The following GSAP variants were observed in gnomAD, a reference collection of about 807,000 sequenced individuals.
GSAP encodes gamma-secretase activating protein.
A neutral mutation model predicts 131.7 loss-of-function variants in GSAP; 118 were observed. The observed-to-expected ratio is 0.90, with a 90% CI of 0.77 to 1.04. The LOEUF (loss-of-function observed/expected upper bound fraction) is 1.04, where lower values mean the gene tolerates loss of function less well. GSAP is among the 50% of genes least tolerant of loss of function. The pLI, the probability that GSAP is intolerant of heterozygous loss-of-function variation, is 0.00. For missense variants in GSAP, 1,019 were observed against 1,013.2 expected (o/e 1.01, Z -0.08); for synonymous variants, 381 against 363.4 (o/e 1.05, Z -0.55).
intron 22 of GSAP, 195 bp from the exon 23 acceptor site, chr7:77,326,468 CGAGA>C: frequency 2.1e-6 from 1 of 479,256 alleles, no homozygotes. Context: ...AGGGAATGAC[CGAGA>C]AAGAAAGAAA....
chr7:77,366,899 C>G (rs572947109), intron 12 of GSAP, among the ~76,000 whole-genome samples: 35 of 152,238 alleles, frequency 2.3e-4, no homozygotes, highest in Admixed American at 6.5e-4. Flanking sequence ...TTTCTTTGAG[C>G]AGTGTTTTGT....
intron 11 of GSAP, among the ~76,000 whole-genome samples, 173 bp from the exon 12 acceptor site, chr7:77,374,328 G>A (rs1359604976): frequency 7.2e-5 from 11 of 151,914 alleles, no homozygotes; most frequent in Admixed American, 7.2e-4. Context: ...CAAAATACAT[G>A]GTATATAAAT....
chr7:77,337,377 G>T (rs1456199470), intron 19 of GSAP, among the ~76,000 whole-genome samples: 1 of 152,060 alleles, frequency 6.6e-6, no homozygotes, highest in African/African-American at 2.4e-5. Context: ...GTTTCACCAT[G>T]TTGGCCAGGC....
At chr7:77,320,321 A>C (rs910490875) in intron 26 of GSAP, among the ~76,000 whole-genome samples, 1 of 152,102 alleles carries the variant, frequency 6.6e-6, no homozygotes, top group African/African-American at 2.4e-5. Flanking sequence ...ATTCCAAGGG[A>C]ATTTTTTAGC....
intron 19 of GSAP, among the ~76,000 whole-genome samples, chr7:77,339,994 A>C (rs1451766736): frequency 6.6e-6 from 1 of 152,178 alleles, no homozygotes; most frequent in East Asian, 1.9e-4. Flanking sequence ...ACACGTATAC[A>C]TCCAGCTGGC....
Position 77,314,385 on chromosome 7 carries a change from T to G in GSAP, c.2194A>C (p.Ile732Leu). 1.2e-6 allele frequency: 2 copies of G among 1,613,792 alleles called. No homozygotes were observed. Among genetic ancestry groups the G allele is most frequent in the Non-Finnish European group, 8.5e-7 (1 of 1,179,800 alleles). ...GVLLLTETAV[I>L]RLMKDLDNTE... Reference sequence around the variant, plus strand: ...GGCTTCTTACCTTTCATGAGCCTTATGACAGCTGTTTCAGTGAGAAGCAAC... The same window carrying G: ...GGCTTCTTACCTTTCATGAGCCTTAGGACAGCTGTTTCAGTGAGAAGCAAC... Residue 732 changes from isoleucine to leucine, a missense_variant, in exon 27 of 31, where the codon ATA (isoleucine) becomes CTA (leucine). Coordinates refer to ENST00000257626, the MANE Select transcript of GSAP (RefSeq NM_017439.4).
rs143928118 is a variant in GSAP, at chr7:77,337,427, G to A, written c.1546-7060C>T. On this transcript the variant is annotated intron_variant, in intron 19 of 30. Transcript: ENST00000257626. Reference sequence around the variant, plus strand: ...TGGCCCCAAGTGATCCACCCGCCTCGGCCTCCCAAAGTGCTGGGATTACAG... The same window carrying A: ...TGGCCCCAAGTGATCCACCCGCCTCAGCCTCCCAAAGTGCTGGGATTACAG... Among the ~76,000 whole-genome samples the A allele has an allele frequency of 6.9e-3, 1,046 of 152,176 alleles. 15 individuals are homozygous for A. Among genetic ancestry groups the A allele is most frequent in the African/African-American group, 0.023 (962 of 41,510 alleles).
At position 77,390,377 on chromosome 7, in the gene GSAP, G is replaced by T. The variant is rs532294736; in HGVS notation, c.368-2929C>A. 2.6e-5 allele frequency among the ~76,000 whole-genome samples: 4 copies of T among 152,142 alleles called. No individual in the cohort carries two copies. In the East Asian group the frequency reaches 7.7e-4, roughly 29 times the overall value. ...CCTTGCCCATGCCTATGTCCTGAAT[G>T]GTATTGCCTAGGTTTTCTTCTAGGG... On this transcript the variant is annotated intron_variant, in intron 5 of 30. Coordinates refer to ENST00000257626, the MANE Select transcript of GSAP (RefSeq NM_017439.4).
intron 19 of GSAP, chr7:77,330,870 A>G: frequency 2.0e-6 from 2 of 980,366 alleles, no homozygotes; most frequent in Non-Finnish European, 2.4e-6. Flanking sequence ...AAAAAGATAA[A>G]ATGAACTAAT....
intron 5 of GSAP, among the ~76,000 whole-genome samples, chr7:77,389,328 GTTTT>G (rs112764794): frequency 7.8e-6 from 1 of 128,752 alleles, no homozygotes; most frequent in Admixed American, 7.3e-5. Flanking sequence ...GTTTTGTTTT[GTTTT>G]TTGTTTCCAT....
chr7:77,322,576 TTG>T (rs767360583), intron 24 of GSAP, among the ~76,000 whole-genome samples: 9 of 144,616 alleles, frequency 6.2e-5, no homozygotes, highest in Non-Finnish European at 1.0e-4. Flanking sequence ...TCACTGTGTG[TTG>T]TGAGTTTTTT....
chr7:77,348,214 T>TA (rs1792204482), intron 19 of GSAP, among the ~76,000 whole-genome samples: 1 of 152,098 alleles, frequency 6.6e-6, no homozygotes, highest in African/African-American at 2.4e-5. Flanking sequence ...GTAAGACTAG[T>TA]AGAAAAGGCA....
chr7:77,381,356 T>G lies in GSAP; in HGVS notation c.527-2A>C. 1 of 1,482,232 alleles carries G rather than the reference T, an allele frequency of 6.7e-7. No individual in the cohort carries two copies. Among genetic ancestry groups the G allele is most frequent in the Non-Finnish European group, 9.3e-7 (1 of 1,080,074 alleles). 91.8% of individuals were successfully genotyped at this position (1,482,232 alleles called of 1,614,324 possible). On this transcript the variant is annotated splice_acceptor_variant, in intron 7 of 30. Transcript: ENST00000257626. LOFTEE classifies it high-confidence loss of function. ...CATGGATACGAAATTGTTCAATATC[T>G]TTAAAAGAAAAACAAAGAAAGATAA...
intron 19 of GSAP, among the ~76,000 whole-genome samples, chr7:77,334,191 T>C (rs1183316728): frequency 6.6e-6 from 1 of 152,120 alleles, no homozygotes; most frequent in Non-Finnish European, 1.5e-5. Flanking sequence ...CATTAATGAT[T>C]GACTGGATCA....
Position 77,314,490 on chromosome 7 carries a change from C to T in GSAP, c.2090-1G>A. 6.2e-7 allele frequency: 1 copy of T among 1,613,508 alleles called. No individual in the cohort carries two copies. Among genetic ancestry groups the T allele is most frequent in the Non-Finnish European group, 8.5e-7 (1 of 1,179,662 alleles). On this transcript the variant is annotated splice_acceptor_variant, in intron 26 of 30. Coordinates refer to ENST00000257626, the MANE Select transcript of GSAP (RefSeq NM_017439.4). LOFTEE classifies it high-confidence loss of function. ...AGGATGGTGTGCAGAGTATGAAAAC[C>T]TAGGATGAGAGATCTGGAGGGTAAA...
intron 1 of GSAP, 117 bp downstream of exon 1, chr7:77,416,096 C>A: frequency 9.0e-6 from 5 of 555,658 alleles, no homozygotes; most frequent in Non-Finnish European, 1.5e-5. Context: ...GACGCCCTCG[C>A]ACCAGCCTTC....
In GSAP at chr7:77,362,584, T is replaced by A; in HGVS notation, c.948A>T (p.Lys316Asn). The change falls in exon 13 of 31, where the codon AAA (lysine) becomes AAT (asparagine). Residue 316 changes from lysine (K) to asparagine (N), a missense_variant and splice_region_variant. Lys to Asn is a moderately conservative substitution (Grantham distance 94). Coordinates refer to ENST00000257626, the MANE Select transcript of GSAP (RefSeq NM_017439.4). ...QITYSVFYIH[K>N]GHSKTFTTSL... ...TAACAAAGAAGACATGAAAAGTACC[T>A]TTATGAATGTAAAACACTGAATATG... The A allele has an allele frequency of 6.6e-7, 1 of 1,509,794 alleles. No individual in the cohort carries two copies. Among genetic ancestry groups the A allele is most frequent in the Non-Finnish European group, 9.2e-7 (1 of 1,086,906 alleles). 93.5% of individuals were successfully genotyped at this position (1,509,794 alleles called of 1,614,324 possible). A position where few individuals can be genotyped will look rare whatever the true frequency, so the allele number is the denominator to read the frequency against.
chr7:77,391,099 C>T (rs1395852044), intron 5 of GSAP, among the ~76,000 whole-genome samples: 1 of 120,430 alleles, frequency 8.3e-6, no homozygotes, highest in Non-Finnish European at 1.6e-5. Flanking sequence ...TGCACTCCAG[C>T]GTGGGCAACA....
chr7:77,412,948 C>A (rs1242666018), intron 1 of GSAP, among the ~76,000 whole-genome samples: 5 of 152,140 alleles, frequency 3.3e-5, no homozygotes, highest in Non-Finnish European at 5.9e-5. Flanking sequence ...GACTTAGCAA[C>A]TCTACTTTTA....
Sources: allele counts gnomAD v4.1 joint callset (sites outside exome capture counted in the v4.1 genomes callset), GRCh38; gene constraint gnomAD v4.1.1; transcripts MANE v1.5; gene names NCBI Gene and HGNC (gene_info 2026-07-23, HGNC 2026-07-21).